The following PDLIM1 variants were observed in gnomAD, a reference collection of about 807,000 sequenced individuals.
The protein encoded by PDLIM1 is PDZ and LIM domain 1.
Under a neutral mutation model 35.2 loss-of-function variants are expected in PDLIM1, and 25 were observed. That is an observed-to-expected ratio of 0.71 (90% CI 0.52 to 0.99). The LOEUF (loss-of-function observed/expected upper bound fraction) is 0.99, where lower values mean the gene tolerates loss of function less well. Ranked by LOEUF, PDLIM1 falls within the 50% of genes least tolerant of loss-of-function variation. The probability of loss-of-function intolerance (pLI) is 0.00; values close to 1 mark genes in which losing one functional copy is unlikely to be tolerated. For synonymous variants in PDLIM1, 152 were observed against 154.0 expected (o/e 0.99, Z 0.10); for missense variants, 363 against 415.3 (o/e 0.87, Z 1.09).
At chr10:95,287,636 T>C (rs771703449) in intron 1 of PDLIM1, among the ~76,000 whole-genome samples, 14 of 151,830 alleles carry the variant, frequency 9.2e-5, no homozygotes, top group Non-Finnish European at 1.6e-4. Flanking sequence ...TGAAAGTAAC[T>C]AGAGGGAAGG....
chr10:95,241,090 A>C (rs2035174054), intron 5 of PDLIM1, among the ~76,000 whole-genome samples: 1 of 152,178 alleles, frequency 6.6e-6, no homozygotes, highest in Admixed American at 6.5e-5. Context: ...GGGGATGAAG[A>C]GAGGGTCACC....
intron 5 of PDLIM1, among the ~76,000 whole-genome samples, chr10:95,245,010 T>C (rs1158151426): frequency 6.6e-6 from 1 of 152,236 alleles, no homozygotes; most frequent in African/African-American, 2.4e-5. Context: ...TCAGTAAAGA[T>C]TTAATGCGGG....
chr10:95,271,762 G>A lies in PDLIM1; in HGVS notation c.119C>T (p.Ala40Val), dbSNP rs2035467034. Residue 40 changes from alanine (A) to valine (V), a missense_variant, in exon 2 of 7, where the codon GCT becomes GTT. Ala to Val is a moderately conservative substitution (Grantham distance 64). Coordinates refer to ENST00000329399, the MANE Select transcript of PDLIM1 (RefSeq NM_020992.4). ...ISRVTPGSKA[A>V]LANLCIGDVI... is the part of the protein sequence containing the mutation. ...ATCTCCAATACATAAATTAGCTAGA[G>A]CCGCCTTGCTTCCAGGAGTGACCTA... 6.2e-7 allele frequency: 1 copy of A among 1,611,860 alleles called. No homozygotes were observed. Among genetic ancestry groups the A allele is most frequent in the Non-Finnish European group, 8.5e-7 (1 of 1,179,338 alleles).
intron 1 of PDLIM1, among the ~76,000 whole-genome samples, chr10:95,282,342 T>C (rs2035567954): frequency 6.6e-6 from 1 of 152,238 alleles, no homozygotes; most frequent in African/African-American, 2.4e-5. Flanking sequence ...ATATTATGGC[T>C]GCAGAAGCTG....
At chr10:95,289,888 C>T (rs2035636619) in intron 1 of PDLIM1, among the ~76,000 whole-genome samples, 1 of 152,228 alleles carries the variant, frequency 6.6e-6, no homozygotes, top group Non-Finnish European at 1.5e-5. Context: ...GGTGCCCAAG[C>T]ACTGAACGTG....
chr10:95,287,947 G>A (rs2035616826), intron 1 of PDLIM1, among the ~76,000 whole-genome samples: 1 of 151,836 alleles, frequency 6.6e-6, no homozygotes. Flanking sequence ...GTATGAGTCT[G>A]TTCAGAAACA....
In PDLIM1 at chr10:95,254,022, T is replaced by C. The variant is rs117128215; in HGVS notation, c.534-6656A>G. 1.1e-4 allele frequency among the ~76,000 whole-genome samples: 16 copies of C among 152,064 alleles called. No homozygotes were observed. In the East Asian group the frequency reaches 3.1e-3, roughly 29 times the overall value. The stretch of plus-strand genomic sequence containing the variant: ...AAAAACACTACAAATAAAAATGTTA[T>C]TCTAAAAAAAATGATGTCAAATAAC... On this transcript the variant is annotated intron_variant, in intron 4 of 6. Transcript: ENST00000329399.
At chr10:95,289,343 C>G (rs939524531) in intron 1 of PDLIM1, among the ~76,000 whole-genome samples, 1 of 152,168 alleles carries the variant, frequency 6.6e-6, no homozygotes, top group Non-Finnish European at 1.5e-5. Context: ...GGGGACGATT[C>G]TGGGGAAGGC....
chr10:95,276,896 TAAAAAAA>T (rs61442624), intron 1 of PDLIM1, among the ~76,000 whole-genome samples: 3 of 68,890 alleles, frequency 4.4e-5, no homozygotes, highest in South Asian at 6.8e-4. Context: ...TTCAGTTTCC[TAAAAAAA>T]AAAAAAAAAA....
intron 1 of PDLIM1, among the ~76,000 whole-genome samples, chr10:95,288,028 G>T (rs1027122591): frequency 2.0e-5 from 3 of 152,078 alleles, no homozygotes; most frequent in Non-Finnish European, 4.4e-5. Flanking sequence ...GCAAGGAAGG[G>T]ATTACCATAG....
intron 3 of PDLIM1, among the ~76,000 whole-genome samples, chr10:95,267,874 C>A (rs567727527): frequency 6.6e-6 from 1 of 152,260 alleles, no homozygotes; most frequent in East Asian, 1.9e-4. Context: ...AAATGCATAA[C>A]CATCACAAAC....
intron 1 of PDLIM1, among the ~76,000 whole-genome samples, chr10:95,285,338 G>A (rs1191745383): frequency 1.3e-5 from 2 of 152,166 alleles, no homozygotes; most frequent in Non-Finnish European, 2.9e-5. Flanking sequence ...CCAGGGTGTG[G>A]AGCCCAGGAG....
chr10:95,257,002 G>GAAAGAAAGAAAGAAAGAAAA (rs2035319220), intron 4 of PDLIM1, among the ~76,000 whole-genome samples: 1 of 88,530 alleles, frequency 1.1e-5, no homozygotes, highest in Non-Finnish European at 3.0e-5. Context: ...AAGAAAGAAA[G>GAAAGAAAGAAAGAAAGAAAA]AAAGAAAGAA....
chr10:95,250,223 T>C (rs2035256074), intron 4 of PDLIM1, among the ~76,000 whole-genome samples: 1 of 152,184 alleles, frequency 6.6e-6, no homozygotes, highest in Non-Finnish European at 1.5e-5. Flanking sequence ...GGGAAAGATT[T>C]TTCTTCTTCT....
chr10:95,248,474 C>T (rs931955902), intron 4 of PDLIM1, among the ~76,000 whole-genome samples: 4 of 152,168 alleles, frequency 2.6e-5, no homozygotes, highest in Non-Finnish European at 5.9e-5. Context: ...TCTCAAAGTC[C>T]CAGCCTCAAG....
At chr10:95,244,123 C>A (rs1489756865) in intron 5 of PDLIM1, among the ~76,000 whole-genome samples, 2 of 152,078 alleles carry the variant, frequency 1.3e-5, no homozygotes, top group African/African-American at 4.8e-5. Context: ...GTATATTTCA[C>A]CATTTTTCTT....
At chr10:95,251,616 C>G (rs1176910359) in intron 4 of PDLIM1, among the ~76,000 whole-genome samples, 1 of 152,164 alleles carries the variant, frequency 6.6e-6, no homozygotes, top group Non-Finnish European at 1.5e-5. Context: ...TTTAATAAAA[C>G]TACCTGTATG....
chr10:95,248,434 G>A (rs2035241293), intron 4 of PDLIM1, among the ~76,000 whole-genome samples: 1 of 152,174 alleles, frequency 6.6e-6, no homozygotes. Context: ...ATTTTGTAGA[G>A]ACAGAGTCTT....
At chr10:95,261,930 C>T (rs2035365772) in intron 4 of PDLIM1, among the ~76,000 whole-genome samples, 1 of 151,858 alleles carries the variant, frequency 6.6e-6, no homozygotes, top group Non-Finnish European at 1.5e-5. Context: ...ATCGCTTGAA[C>T]CCGGGAGGCG....
Sources: gnomAD v4.1 joint callset for allele counts (sites outside exome capture counted in the v4.1 genomes callset) on GRCh38, gnomAD v4.1.1 for gene constraint, MANE v1.5 for transcripts, NCBI Gene and HGNC (gene_info 2026-07-23, HGNC 2026-07-21) for gene names.